SPTB: variants seen among roughly 807,000 people sequenced by gnomAD.
The protein encoded by SPTB is spectrin beta chain, erythrocytic.
In SPTB, 45 loss-of-function variants were observed where a neutral mutation model predicts 256.2. The observed-to-expected ratio is 0.18, with a 90% CI of 0.14 to 0.23. The LOEUF (loss-of-function observed/expected upper bound fraction) is 0.23. Among genes scored for constraint, SPTB ranks in the 10% least tolerant of loss-of-function variants. The pLI is 1.00. For missense variants in SPTB, 2,715 were observed against 3,040.4 expected, an observed-to-expected ratio of 0.89 and a Z score of 2.52; for synonymous variants, 1,231 against 1,243.1, an observed-to-expected ratio of 0.99 and a Z score of 0.21.
chr14:64,781,219 CA>C, intron 20 of SPTB, among the ~76,000 whole-genome samples: 1 of 152,248 alleles, frequency 6.6e-6, no homozygotes, highest in Non-Finnish European at 1.5e-5. Flanking sequence ...CAAAAATTGG[CA>C]AATGAGATCT....
intron 32 of SPTB, among the ~76,000 whole-genome samples, chr14:64,762,619 A>G (rs1251681054): frequency 6.6e-6 from 1 of 152,226 alleles, no homozygotes; most frequent in African/African-American, 2.4e-5. Flanking sequence ...TAGGAGTCTC[A>G]GCTCCTACGT....
rs902000496 is a variant in SPTB, at chr14:64,825,482, T to G, written c.-51-2337A>C. 1.4e-5 allele frequency among the ~76,000 whole-genome samples: 2 copies of G among 145,106 alleles called. No individual in the cohort carries two copies. Among genetic ancestry groups the G allele is most frequent in the Non-Finnish European group, 1.5e-5 (1 of 65,726 alleles). ...GGCCCCACACCTTTCTCTATTTCCC[T>G]TAAGGGAAACTACCACTGACTTGGT... On this transcript the variant is annotated intron_variant, in intron 1 of 35. Transcript: ENST00000644917. The surrounding 1 kb of genome is among the most constrained non-coding windows in gnomAD (Gnocchi z 4.8).
rs752611530 is a variant in SPTB at position 64,770,946 on chromosome 14, G to A, written c.5737C>T (p.Arg1913Cys). Residue 1913 changes from arginine to cysteine, a missense_variant, in exon 27 of 36, where the codon CGT (arginine) becomes TGT (cysteine). Arg to Cys is a radical substitution (Grantham distance 180, BLOSUM62 -3). Transcript: ENST00000644917. ...ADKFRFFSMA[R>C]DLLSWMESII... ...CTCTCCATCCAGGAGAGGAGGTCAC[G>A]GGCCATGCTGAAGAAGCGGAATTTA... 2.3e-5 allele frequency: 37 copies of A among 1,613,988 alleles called. No individual in the cohort carries two copies. The highest frequency in any genetic ancestry group is 3.0e-5 in the Non-Finnish European group (35 of 1,180,042).
chr14:64,795,630 CA>C lies in SPTB; in HGVS notation c.1350del (p.Phe450LeufsTer29). ...ENQRLVAQDN[F>X]GYDLAAVEAA... is the part of the protein sequence containing the mutation. ...GCCTCCACAGCTGCCAGGTCATACC[CA>C]AAGTTATCCTGCCCCACCGGGAGAA... is the stretch of plus-strand genomic sequence containing the variant. On this transcript the variant is annotated frameshift_variant, in exon 12 of 36. Coordinates refer to ENST00000644917, the MANE Select transcript of SPTB (RefSeq NM_001355436.2). LOFTEE classifies it high-confidence loss of function. The surrounding 1 kb of genome is among the most constrained non-coding windows in gnomAD (Gnocchi z 6.5). The C allele has an allele frequency of 6.2e-7, 1 of 1,614,024 alleles. No individual in the cohort carries two copies. The highest frequency in any genetic ancestry group is 8.5e-7 in the Non-Finnish European group (1 of 1,180,016).
Position 64,825,747 on chromosome 14 carries a change from A to G in SPTB, c.-51-2602T>C, listed in dbSNP as rs2083369796. ...AGATTACCTTTGCCATGGCTCCGTA[A>G]ATAAGTCTGCCCCAGAAAGATGAGC... On this transcript the variant is annotated intron_variant, in intron 1 of 35. Transcript: ENST00000644917. This position sits in a 1 kb window ranked among gnomAD's most constrained non-coding sequence, Gnocchi z 4.8. Among the ~76,000 whole-genome samples the G allele has an allele frequency of 6.6e-6, 1 of 152,212 alleles. No homozygotes were observed. Among genetic ancestry groups the G allele is most frequent in the Non-Finnish European group, 1.5e-5 (1 of 68,034 alleles).
Position 64,774,414 on chromosome 14 carries a change from A to G in SPTB, c.4956T>C (p.Ser1652=). 6.3e-7 allele frequency: 1 copy of G among 1,585,366 alleles called. No homozygotes were observed. Residue 1652 remains serine (S), a synonymous_variant, in exon 24 of 36, where the codon TCT becomes TCC. Transcript: ENST00000644917. ...QLASRAQGLL[S]AGHPEGEQII... is the part of the protein sequence containing the mutation. ...GCACGCACCCCTCAGGGTGGCCTGC[A>G]GACAGCAGGCCCTGGGCCCGGCTGG...
At position 64,795,737 on chromosome 14, in the gene SPTB, A is replaced by T; in HGVS notation, c.1342-98T>A. 8.0e-7 allele frequency: 1 copy of T among 1,255,778 alleles called. No homozygotes were observed. Among genetic ancestry groups the T allele is most frequent in the Non-Finnish European group, 1.1e-6 (1 of 872,066 alleles). The allele number at this position is 1,255,778 out of a possible 1,614,324, so 77.8% of individuals were successfully genotyped here. A position where few individuals can be genotyped will look rare whatever the true frequency, so the allele number is the denominator to read the frequency against. On this transcript the variant is annotated intron_variant, in intron 11 of 35. Transcript: ENST00000644917. This position sits in a 1 kb window ranked among gnomAD's most constrained non-coding sequence, Gnocchi z 6.5. The stretch of plus-strand genomic sequence containing the variant: ...CAGCTCCCTTCAGAACCAGTGCTAG[A>T]TGGGAAAGCACATTCCCAAGAAGCA...
chr14:64,826,161 G>A lies in SPTB; in HGVS notation c.-51-3016C>T, dbSNP rs190102147. ...GGGGTCATGGGATGGGCCAGTGCAT[G>A]CAGGAAGGGAAGCTCTCGGAGAATC... On this transcript the variant is annotated intron_variant, in intron 1 of 35. Transcript: ENST00000644917. This position sits in a 1 kb window ranked among gnomAD's most constrained non-coding sequence, Gnocchi z 4.4. 5.9e-5 allele frequency among the ~76,000 whole-genome samples: 9 copies of A among 152,366 alleles called. No individual in the cohort carries two copies. The highest frequency in any genetic ancestry group is 2.0e-4 in the Admixed American group (3 of 15,312).
chr14:64,799,958 T>G lies in SPTB; in HGVS notation c.877-24A>C, dbSNP rs747182519. 8.7e-6 allele frequency: 14 copies of G among 1,613,462 alleles called. No individual in the cohort carries two copies. In the South Asian group the frequency reaches 1.5e-4, roughly 18 times the overall value. ...ACCTAAGGAATCATCTTCTTACTTATTCTCATCAGAAGGGCAATGCCACCA... is the reference window on the plus strand; with the variant it reads ...ACCTAAGGAATCATCTTCTTACTTAGTCTCATCAGAAGGGCAATGCCACCA... On this transcript the variant is annotated intron_variant, in intron 8 of 35. Transcript: ENST00000644917.
intron 32 of SPTB, among the ~76,000 whole-genome samples, chr14:64,762,404 T>C (rs2082107735): frequency 6.6e-6 from 1 of 152,234 alleles, no homozygotes; most frequent in Non-Finnish European, 1.5e-5. Context: ...TTAAAGCTCC[T>C]GGCTGCCTGC....
chr14:64,785,365 A>T lies in SPTB; in HGVS notation c.3855+172T>A, dbSNP rs1310291794. Among the ~76,000 whole-genome samples, 1 of 151,260 alleles carries T rather than the reference A, an allele frequency of 6.6e-6. No homozygotes were observed. The highest frequency in any genetic ancestry group is 1.5e-5 in the Non-Finnish European group (1 of 67,798). On this transcript the variant is annotated intron_variant, in intron 18 of 35. Coordinates refer to ENST00000644917, the MANE Select transcript of SPTB (RefSeq NM_001355436.2). This position sits in a 1 kb window ranked among gnomAD's most constrained non-coding sequence, Gnocchi z 4.4. ...TTTTCAGATTTGAAAAAAAAAAAAC[A>T]GTGCAACTGAAGATTCCAGAGAATG...
chr14:64,765,263 C>T (rs2082151966), intron 32 of SPTB, among the ~76,000 whole-genome samples: 1 of 152,148 alleles, frequency 6.6e-6, no homozygotes, highest in Non-Finnish European at 1.5e-5. Context: ...CAGGAAGGAT[C>T]TGTGGCTCCC....
In SPTB at chr14:64,827,302, C is replaced by T. The variant is rs1322728717; in HGVS notation, c.-51-4157G>A. Reference sequence around the variant, plus strand: ...GCAACAAAGCACAAAGATCTACTTCCGAAGTGGGAAACCGGGGGAATACAG... The same window carrying T: ...GCAACAAAGCACAAAGATCTACTTCTGAAGTGGGAAACCGGGGGAATACAG... On this transcript the variant is annotated intron_variant, in intron 1 of 35. Coordinates refer to ENST00000644917, the MANE Select transcript of SPTB (RefSeq NM_001355436.2). This position sits in a 1 kb window ranked among gnomAD's most constrained non-coding sequence, Gnocchi z 4.6. 2.0e-5 allele frequency among the ~76,000 whole-genome samples: 3 copies of T among 152,200 alleles called. No individual in the cohort carries two copies. Among genetic ancestry groups the T allele is most frequent in the African/African-American group, 4.8e-5 (2 of 41,444 alleles).
At chr14:64,794,923 G>C (rs1460744685) in intron 12 of SPTB, among the ~76,000 whole-genome samples, 1 of 152,256 alleles carries the variant, frequency 6.6e-6, no homozygotes, top group Non-Finnish European at 1.5e-5. Context: ...AGTCTGATGT[G>C]TGTCCTCAGC....
At chr14:64,782,859 G>A (rs2082496552) in intron 19 of SPTB, among the ~76,000 whole-genome samples, 2 of 150,222 alleles carry the variant, frequency 1.3e-5, no homozygotes, top group Admixed American at 1.3e-4. Flanking sequence ...TTCATGATAT[G>A]CACCACCACA....
Position 64,816,565 on chromosome 14 carries a change from C to T in SPTB, c.148+6382G>A, listed in dbSNP as rs1212125317. Among the ~76,000 whole-genome samples, 2 of 152,174 alleles carry T rather than the reference C, an allele frequency of 1.3e-5. 1 individual carries two copies. Among genetic ancestry groups the T allele is most frequent in the East Asian group, 3.9e-4 (2 of 5,192 alleles). On this transcript the variant is annotated intron_variant, in intron 2 of 35. Coordinates refer to ENST00000644917, the MANE Select transcript of SPTB (RefSeq NM_001355436.2). This position sits in a 1 kb window ranked among gnomAD's most constrained non-coding sequence, Gnocchi z 4.2. Reference sequence around the variant, plus strand: ...AGCAAATTTGTCATAATTTGCTATGCACGTGTGTCTATGCACATAGACACG... The same window carrying T: ...AGCAAATTTGTCATAATTTGCTATGTACGTGTGTCTATGCACATAGACACG...
At chr14:64,840,760 T>C (rs2083593262) in intron 1 of SPTB, among the ~76,000 whole-genome samples, 1 of 152,098 alleles carries the variant, frequency 6.6e-6, no homozygotes, top group South Asian at 2.1e-4. Context: ...TGATCAACAC[T>C]GGGCTACACA....
intron 29 of SPTB, 150 bp from the exon 30 acceptor site, chr14:64,768,009 C>T: frequency 1.2e-6 from 1 of 806,374 alleles, no homozygotes; most frequent in Non-Finnish European, 2.1e-6. Context: ...TGCAGCCACC[C>T]CATTCCACAC....
intron 2 of SPTB, among the ~76,000 whole-genome samples, chr14:64,821,981 T>C (rs544803592): frequency 6.6e-6 from 1 of 151,996 alleles, no homozygotes; most frequent in Admixed American, 6.5e-5. Flanking sequence ...CAACCTTCAA[T>C]TTGGGCCATA....
Sources: allele counts gnomAD v4.1 joint callset (sites outside exome capture counted in the v4.1 genomes callset), GRCh38; gene constraint gnomAD v4.1.1; non-coding constraint Gnocchi (gnomAD v3.1); transcripts MANE v1.5; gene names NCBI Gene and HGNC (gene_info 2026-07-23, HGNC 2026-07-21).